CCDC3: variants seen among roughly 807,000 people sequenced by gnomAD.
CCDC3 encodes coiled-coil domain-containing protein 3.
A neutral mutation model predicts 21.4 loss-of-function variants in CCDC3; 24 were observed. The observed-to-expected ratio is 1.12, with a 90% CI of 0.81 to 1.58. The LOEUF is 1.58. Among genes scored for constraint, CCDC3 ranks in the 40% most tolerant of loss-of-function variants. CCDC3 has a pLI of 0.00. For missense variants in CCDC3, 425 were observed against 360.9 expected, an observed-to-expected ratio of 1.18 and a Z score of -1.44; for synonymous variants, 186 against 166.0, an observed-to-expected ratio of 1.12 and a Z score of -0.93.
At chr10:13,035,875 G>T (rs1419139349) in intron 5 of CCDC3, among the ~76,000 whole-genome samples, 2 of 152,314 alleles carry the variant, frequency 1.3e-5, no homozygotes, top group African/African-American at 4.8e-5. Flanking sequence ...GCCAGGCATG[G>T]TGGCTCATGC....
intron 2 of CCDC3, among the ~76,000 whole-genome samples, chr10:12,931,042 G>C (rs1364762685): frequency 6.6e-6 from 1 of 151,738 alleles, no homozygotes; most frequent in Non-Finnish European, 1.5e-5. Flanking sequence ...GAAACCCCGT[G>C]TCTACTAAAA....
chr10:12,975,739 A>G (rs1303844469), intron 2 of CCDC3, among the ~76,000 whole-genome samples: 1 of 152,202 alleles, frequency 6.6e-6, no homozygotes, highest in Non-Finnish European at 1.5e-5. Flanking sequence ...GAGTGTTCAT[A>G]TAACCAGCAA....
At chr10:12,977,349 T>TTAAA (rs1835432589) in intron 2 of CCDC3, among the ~76,000 whole-genome samples, 1 of 151,466 alleles carries the variant, frequency 6.6e-6, no homozygotes, top group Non-Finnish European at 1.5e-5. Flanking sequence ...GAAAAGAAAG[T>TTAAA]GTCGTGTCTT....
intron 2 of CCDC3, among the ~76,000 whole-genome samples, chr10:12,974,497 A>C (rs74410045): frequency 0.01 from 1,579 of 152,306 alleles, 20 homozygotes; most frequent in African/African-American, 0.036. Flanking sequence ...AATTATATGG[A>C]GTTTAGAAAT....
intron 2 of CCDC3, among the ~76,000 whole-genome samples, chr10:12,954,276 C>A (rs1835051475): frequency 1.3e-5 from 2 of 152,150 alleles, no homozygotes; most frequent in South Asian, 4.2e-4. Flanking sequence ...TCTGTCCTAT[C>A]CCAAATTACT....
At chr10:13,092,655 T>C (rs955784778) in intron 3 of CCDC3, among the ~76,000 whole-genome samples, 7 of 152,184 alleles carry the variant, frequency 4.6e-5, no homozygotes, top group Admixed American at 1.3e-4. Flanking sequence ...GAAAAAGGAA[T>C]GGATGAGGTC....
chr10:13,047,706 G>C (rs1361233500), intron 5 of CCDC3, among the ~76,000 whole-genome samples: 1 of 152,150 alleles, frequency 6.6e-6, no homozygotes, highest in Non-Finnish European at 1.5e-5. Context: ...CTCCCTATGA[G>C]ACCTGGGTGA....
At chr10:13,026,251 T>C (rs894328400) in intron 5 of CCDC3, among the ~76,000 whole-genome samples, 9 of 152,150 alleles carry the variant, frequency 5.9e-5, no homozygotes, top group Non-Finnish European at 1.3e-4. Context: ...AGGGTCACTC[T>C]CCCACCCACT....
At chr10:12,997,468 G>A (rs1835780029) in intron 2 of CCDC3, among the ~76,000 whole-genome samples, 1 of 152,172 alleles carries the variant, frequency 6.6e-6, no homozygotes, top group Non-Finnish European at 1.5e-5. Context: ...TCCAACTCTG[G>A]CATTTGGCCC....
chr10:13,049,980 A>C (rs1836582449), intron 4 of CCDC3: 2 of 152,340 alleles, frequency 1.3e-5, no homozygotes, highest in African/African-American at 4.8e-5. Flanking sequence ...AGTGTTGCTC[A>C]AGGGTGCTTT....
chr10:13,095,142 C>T (rs1388466371), intron 3 of CCDC3, among the ~76,000 whole-genome samples: 2 of 56,422 alleles, frequency 3.5e-5, no homozygotes, highest in South Asian at 1.4e-3. Context: ...TCTCTGTTTT[C>T]AGTTTCTTTG....
At chr10:12,912,759 G>C (rs906162000) in intron 2 of CCDC3, among the ~76,000 whole-genome samples, 8 of 152,106 alleles carry the variant, frequency 5.3e-5, no homozygotes, top group Non-Finnish European at 1.0e-4. Context: ...CTACGCTTAA[G>C]TCTTTAAACA....
intron 2 of CCDC3, among the ~76,000 whole-genome samples, chr10:12,934,505 T>C (rs1834703381): frequency 6.6e-6 from 1 of 152,208 alleles, no homozygotes; most frequent in East Asian, 1.9e-4. Flanking sequence ...GTCTTACTGA[T>C]TTTCTGTCTA....
intron 2 of CCDC3, among the ~76,000 whole-genome samples, chr10:12,995,660 G>C (rs1835752459): frequency 6.6e-6 from 1 of 152,160 alleles, no homozygotes; most frequent in South Asian, 2.1e-4. Context: ...ACTAAATTCT[G>C]CTCCACAGCA....
At chr10:13,064,705 G>C (rs1019518251) in intron 4 of CCDC3, among the ~76,000 whole-genome samples, 3 of 152,166 alleles carry the variant, frequency 2.0e-5, no homozygotes, top group African/African-American at 7.2e-5. Context: ...AGAATGGCGT[G>C]AACCTGGAAG....
upstream of CCDC3, among the ~76,000 whole-genome samples, chr10:13,005,298 A>G (rs987138080): frequency 3.9e-5 from 6 of 152,332 alleles, no homozygotes. Context: ...GCCATAAACC[A>G]TATGAGTGGA....
At chr10:12,938,069 T>A (rs992753187) in intron 2 of CCDC3, among the ~76,000 whole-genome samples, 3 of 152,224 alleles carry the variant, frequency 2.0e-5, no homozygotes, top group Non-Finnish European at 4.4e-5. Context: ...ATTCTCTCCA[T>A]CTGCCTGCTT....
intron 2 of CCDC3, among the ~76,000 whole-genome samples, chr10:12,925,848 G>A (rs1469088712): frequency 6.6e-6 from 1 of 152,262 alleles, no homozygotes; most frequent in Admixed American, 6.5e-5. Flanking sequence ...TGAACCCTGT[G>A]CTTAAGGGAT....
intron 5 of CCDC3, among the ~76,000 whole-genome samples, chr10:13,037,122 T>G (rs370797948): frequency 4.5e-4 from 69 of 152,178 alleles, no homozygotes; most frequent in African/African-American, 1.5e-3. Context: ...ACATAACTAA[T>G]TCCCATGTTT....
Sources: allele counts gnomAD v4.1 joint callset (sites outside exome capture counted in the v4.1 genomes callset), GRCh38; gene constraint gnomAD v4.1.1; transcripts MANE v1.5; gene names NCBI Gene and HGNC (gene_info 2026-07-23, HGNC 2026-07-21).